Variants in TRANK1 observed in about 807,000 individuals in gnomAD.
The protein encoded by TRANK1 is TPR and ankyrin repeat-containing protein 1.
A neutral mutation model predicts 266.0 loss-of-function variants in TRANK1; 198 were observed. The observed-to-expected ratio is 0.74, with a 90% CI of 0.66 to 0.84. The LOEUF is 0.84. Among genes scored for constraint, TRANK1 ranks in the 40% least tolerant of loss-of-function variants. TRANK1 has a pLI of 0.00. For synonymous variants in TRANK1, 1,396 were observed against 1,384.1 expected (o/e 1.01, Z -0.19); for missense variants, 3,326 against 3,634.6 (o/e 0.92, Z 2.18).
chr3:36,828,388 AGAAGGAAG>A lies in TRANK1; in HGVS notation c.8810-21_8810-14del, dbSNP rs61109537. On this transcript the variant is annotated splice_polypyrimidine_tract_variant and intron_variant, in intron 23 of 23. Coordinates refer to ENST00000645898, the MANE Select transcript of TRANK1 (RefSeq NM_001329998.2). ...TCCTGAACAATACCTGAAGAAAGAA[AGAAGGAAG>A]GAAGGAAGGAAGGAAAGAAGGGAGG... The A allele has an allele frequency of 5.9e-6, 6 of 1,013,804 alleles. No individual in the cohort carries two copies. The highest frequency in any genetic ancestry group is 1.6e-5 in the African/African-American group (1 of 62,078). 62.8% of individuals were successfully genotyped at this position (1,013,804 alleles called of 1,614,324 possible). A position where few individuals can be genotyped will look rare whatever the true frequency, so the allele number is the denominator to read the frequency against.
At position 36,899,090 on chromosome 3, in the gene TRANK1, C is replaced by A. The variant is rs1474449283; in HGVS notation, c.433+19G>T. Reference sequence around the variant, plus strand: ...AAATAGCAAGGACTTTACAAAAAGTCTCCCCAGTTCCAACTTACTGCTCAT... The same window carrying A: ...AAATAGCAAGGACTTTACAAAAAGTATCCCCAGTTCCAACTTACTGCTCAT... On this transcript the variant is annotated intron_variant, in intron 4 of 23. Coordinates refer to ENST00000645898, the MANE Select transcript of TRANK1 (RefSeq NM_001329998.2). 5 of 1,535,908 alleles carry A rather than the reference C, an allele frequency of 3.3e-6. No homozygotes were observed. In the East Asian group the frequency reaches 7.3e-5, roughly 23 times the overall value.
intron 6 of TRANK1, 116 bp from the exon 7 acceptor site, chr3:36,892,456 G>T: frequency 1.6e-6 from 2 of 1,262,374 alleles, no homozygotes; most frequent in Non-Finnish European, 2.1e-6. Flanking sequence ...TGTGGTCCAA[G>T]CCTAGGATTA....
chr3:36,879,892 G>A (rs35929476), intron 8 of TRANK1, among the ~76,000 whole-genome samples: 23,885 of 33,422 alleles, frequency 0.71, 9,130 homozygotes, highest in Middle Eastern at 0.85. Context: ...ATGTAAACAT[G>A]CAAATATATG....
chr3:36,860,084 CATA>C (rs1479486580), intron 11 of TRANK1, among the ~76,000 whole-genome samples: 3 of 152,040 alleles, frequency 2.0e-5, no homozygotes, highest in African/African-American at 7.2e-5. Context: ...ATTGATAACA[CATA>C]ATGTTTTTTC....
chr3:36,945,426 G>A (rs1445767981), upstream of TRANK1, among the ~76,000 whole-genome samples: 1 of 152,166 alleles, frequency 6.6e-6, no homozygotes, highest in East Asian at 1.9e-4. Flanking sequence ...TCCTACAGAT[G>A]AGGAGCTCAG....
chr3:36,876,961 G>A (rs929395726), intron 8 of TRANK1, among the ~76,000 whole-genome samples: 1 of 152,242 alleles, frequency 6.6e-6, no homozygotes, highest in Non-Finnish European at 1.5e-5. Context: ...AAATCTCTAT[G>A]TACCAGAGCC....
intron 1 of TRANK1, among the ~76,000 whole-genome samples, chr3:36,942,482 CAA>C (rs565174922): frequency 7.5e-5 from 6 of 79,944 alleles, no homozygotes; most frequent in Non-Finnish European, 1.4e-4. Context: ...TCTTCTTCCT[CAA>C]AAAAAAAAAA....
At chr3:36,858,422 T>A (rs957232003) in intron 12 of TRANK1, among the ~76,000 whole-genome samples, 1 of 152,210 alleles carries the variant, frequency 6.6e-6, no homozygotes, top group Non-Finnish European at 1.5e-5. Context: ...GCAAGATCCT[T>A]CATACGCAGA....
intron 1 of TRANK1, among the ~76,000 whole-genome samples, chr3:36,935,839 T>C (rs1212112592): frequency 6.6e-6 from 1 of 152,222 alleles, no homozygotes; most frequent in Non-Finnish European, 1.5e-5. Flanking sequence ...GAATAAATGA[T>C]TCTCTGGCCA....
chr3:36,868,299 C>T (rs972134734), intron 9 of TRANK1, among the ~76,000 whole-genome samples: 4 of 152,040 alleles, frequency 2.6e-5, no homozygotes, highest in Admixed American at 6.5e-5. Context: ...ATTAACCTAC[C>T]GTAAAACTGG....
chr3:36,894,828 G>T (rs970714973), intron 5 of TRANK1, among the ~76,000 whole-genome samples: 1 of 152,186 alleles, frequency 6.6e-6, no homozygotes, highest in Non-Finnish European at 1.5e-5. Context: ...GCCCAGGAGG[G>T]CTGTTCTAAC....
In TRANK1 at chr3:36,855,425, C is replaced by T. The variant is rs369260304; in HGVS notation, c.4297G>A (p.Glu1433Lys). 33 of 1,613,830 alleles carry T rather than the reference C, an allele frequency of 2.0e-5. No homozygotes were observed. Among genetic ancestry groups the T allele is most frequent in the Non-Finnish European group, 2.5e-5 (30 of 1,179,882 alleles). ...KLRVLPWSIH[E>K]LYGDEIQDFT... is the part of the protein sequence containing the mutation. ...TCTTGAATCTCATCACCATAGAGCT[C>T]GTGGATGGACCATGGGAGCACCCTG... Residue 1433 changes from glutamate to lysine, a missense_variant, in exon 13 of 24, where the codon GAG becomes AAG. Physicochemically the swap from Glu to Lys is moderately conservative, Grantham distance 56 (BLOSUM62 1). Coordinates refer to ENST00000645898, the MANE Select transcript of TRANK1 (RefSeq NM_001329998.2).
At position 36,852,316 on chromosome 3, in the gene TRANK1, C is replaced by T; in HGVS notation, c.4579G>A (p.Asp1527Asn). The T allele has an allele frequency of 6.3e-7, 1 of 1,595,104 alleles. No homozygotes were observed. Among genetic ancestry groups the T allele is most frequent in the Non-Finnish European group, 8.5e-7 (1 of 1,173,588 alleles). Residue 1527 changes from aspartate to asparagine, a missense_variant, in exon 14 of 24, where the codon GAT (aspartate) becomes AAT (asparagine). Transcript: ENST00000645898. ...GILNLASGVV[D>N]LLQFYFPESF... is the part of the protein sequence containing the mutation. ...TCTGGGAAATAGAACTGAAGTAAAT[C>T]CACCACTCCAGATGCCAGATTGAGG...
rs568127288 is a variant in TRANK1, at chr3:36,913,394, CTTG to C, written c.24-4943_24-4941del. Among the ~76,000 whole-genome samples, 35 of 139,708 alleles carry C rather than the reference CTTG, an allele frequency of 2.5e-4. No individual in the cohort carries two copies. The East Asian group carries it at 6.5e-3, about 26-fold the overall frequency. 91.7% of individuals were successfully genotyped at this position (139,708 alleles called of 152,430 possible). A position where few individuals can be genotyped will look rare whatever the true frequency, so the allele number is the denominator to read the frequency against. On this transcript the variant is annotated intron_variant, in intron 1 of 23. Transcript: ENST00000645898. ...TCTATCTTTCTTTCTTGCCTGTTTG[CTTG>C]CTTGCTTGCTTGCTTGCTCACTTAC...
At position 36,908,370 on chromosome 3, in the gene TRANK1, T is replaced by C; in HGVS notation, c.108A>G (p.Arg36=). 8.1e-7 allele frequency: 1 copy of C among 1,232,220 alleles called. No homozygotes were observed. Among genetic ancestry groups the C allele is most frequent in the Non-Finnish European group, 1.0e-6 (1 of 987,990 alleles). 76.3% of individuals were successfully genotyped at this position (1,232,220 alleles called of 1,614,324 possible). Residue 36 remains arginine (R), a synonymous_variant, in exon 2 of 24, where the codon AGA becomes AGG. Coordinates refer to ENST00000645898, the MANE Select transcript of TRANK1 (RefSeq NM_001329998.2). The part of the protein sequence containing the change: ...LKNGNFSLAI[R]KYDEAIQILL... ...GAATCTGGATGGCTTCATCGTACTT[T>C]CTGATGGCCAAAGAGAAGTTCCCAT...
At chr3:36,939,095 C>T in intron 1 of TRANK1, among the ~76,000 whole-genome samples, 1 of 152,054 alleles carries the variant, frequency 6.6e-6, no homozygotes, top group East Asian at 1.9e-4. Flanking sequence ...TGAGACCGCA[C>T]CACTGTACTC....
chr3:36,872,836 C>T (rs2125572665), intron 9 of TRANK1, among the ~76,000 whole-genome samples: 1 of 152,072 alleles, frequency 6.6e-6, no homozygotes, highest in Non-Finnish European at 1.5e-5. Context: ...ATGCAAGGGG[C>T]CAACACGTGC....
At chr3:36,942,717 C>G (rs181335541) in intron 1 of TRANK1, among the ~76,000 whole-genome samples, 1 of 152,046 alleles carries the variant, frequency 6.6e-6, no homozygotes, top group East Asian at 1.9e-4. Flanking sequence ...TCTACTTCAT[C>G]ACTCCTACAC....
intron 1 of TRANK1, among the ~76,000 whole-genome samples, chr3:36,935,132 T>C (rs1487216543): frequency 6.6e-6 from 1 of 152,162 alleles, no homozygotes; most frequent in East Asian, 1.9e-4. Flanking sequence ...ACATCAGCTC[T>C]TCCCCAAGGG....
Sources: allele counts gnomAD v4.1 joint callset (sites outside exome capture counted in the v4.1 genomes callset), GRCh38; gene constraint gnomAD v4.1.1; transcripts MANE v1.5; gene names NCBI Gene and HGNC (gene_info 2026-07-23, HGNC 2026-07-21).